CAMK1D: variants seen among roughly 807,000 people sequenced by gnomAD.
The protein encoded by CAMK1D is calcium/calmodulin dependent protein kinase ID.
In CAMK1D, 9 loss-of-function variants were observed where a neutral mutation model predicts 47.7. That is an observed-to-expected ratio of 0.19 (90% CI 0.11 to 0.33). CAMK1D has a LOEUF of 0.33. Ranked by LOEUF, CAMK1D falls within the 10% of genes least tolerant of loss-of-function variation. CAMK1D has a pLI of 1.00. For synonymous variants in CAMK1D, 184 were observed against 184.9 expected, an observed-to-expected ratio of 0.99 and a Z score of 0.04; for missense variants, 291 against 488.7, an observed-to-expected ratio of 0.60 and a Z score of 3.81.
chr10:12,710,509 T>C (rs1284702784), intron 3 of CAMK1D, among the ~76,000 whole-genome samples: 1 of 152,210 alleles, frequency 6.6e-6, no homozygotes, highest in Non-Finnish European at 1.5e-5. Flanking sequence ...GATACAGTCT[T>C]TTGTACGTCA....
At chr10:12,749,558 GT>G (rs1340222495) in intron 3 of CAMK1D, among the ~76,000 whole-genome samples, 1 of 136,188 alleles carries the variant, frequency 7.3e-6, no homozygotes, top group East Asian at 2.0e-4. Flanking sequence ...TTTTTTGTTT[GT>G]TTGTTTGTTT....
chr10:12,607,612 G>T (rs1366868361), intron 2 of CAMK1D, among the ~76,000 whole-genome samples: 4 of 152,190 alleles, frequency 2.6e-5, no homozygotes, highest in Admixed American at 1.3e-4. Flanking sequence ...TTTGAAGATG[G>T]TTCAAATGTA....
At chr10:12,368,702 C>G (rs1485149281) in intron 1 of CAMK1D, among the ~76,000 whole-genome samples, 1 of 151,270 alleles carries the variant, frequency 6.6e-6, no homozygotes. Flanking sequence ...CCAAATCATT[C>G]CACTGCACTC....
intron 1 of CAMK1D, among the ~76,000 whole-genome samples, chr10:12,515,116 G>C (rs1040346423): frequency 2.0e-5 from 3 of 151,858 alleles, no homozygotes; most frequent in African/African-American, 4.8e-5. Context: ...ACCCCCCTTG[G>C]CCTCCCAAAG....
intron 2 of CAMK1D, among the ~76,000 whole-genome samples, chr10:12,664,782 A>T (rs1840377586): frequency 1.3e-5 from 2 of 152,200 alleles, no homozygotes; most frequent in East Asian, 3.8e-4. Context: ...TACAGTTCAG[A>T]TGTAACTGTG....
At chr10:12,756,899 G>A (rs577538837) in intron 3 of CAMK1D, among the ~76,000 whole-genome samples, 258 of 152,320 alleles carry the variant, frequency 1.7e-3, no homozygotes, top group African/African-American at 5.5e-3. Context: ...CTCCAGCCTG[G>A]GCGACAGAGT....
rs900638497 is a variant in CAMK1D at position 12,828,952 on chromosome 10, G to A, written c.*65G>A. On this transcript the variant is annotated 3_prime_UTR_variant, in exon 11 of 11. Coordinates refer to ENST00000619168, the MANE Select transcript of CAMK1D (RefSeq NM_153498.4). ...GGGGAGCCCCAGGGTCGCCAGAGCC[G>A]CGAGCCACTCCAGCGAGACCCCACC... 3.9e-5 allele frequency: 47 copies of A among 1,216,366 alleles called. No individual in the cohort carries two copies. Among genetic ancestry groups the A allele is most frequent in the African/African-American group, 1.7e-4 (11 of 64,970 alleles). The allele number at this position is 1,216,366 out of a possible 1,614,324, so 75.3% of individuals were successfully genotyped here.
intron 2 of CAMK1D, among the ~76,000 whole-genome samples, chr10:12,663,454 G>A (rs892502482): frequency 4.6e-5 from 7 of 152,110 alleles, no homozygotes; most frequent in Non-Finnish European, 7.4e-5. Context: ...ATCTGTGCAG[G>A]ATATATGGGA....
Position 12,734,443 on chromosome 10 carries a change from CATATGTGTATATAT to C in CAMK1D, c.300-26503_300-26490del, listed in dbSNP as rs1835072399. ...ACATGTATATATATATACACACACA[CATATGTGTATATAT>C]ACACATACACATATGTGTATATATA... On this transcript the variant is annotated intron_variant, in intron 3 of 10. Coordinates refer to ENST00000619168, the MANE Select transcript of CAMK1D (RefSeq NM_153498.4). Among the ~76,000 whole-genome samples the C allele has an allele frequency of 1.1e-3, 6 of 5,272 alleles. No homozygotes were observed. The South Asian group carries it at 0.047, about 41-fold the overall frequency. The allele number at this position is 5,272 out of a possible 152,430, so 3.5% of individuals were successfully genotyped here.
intron 1 of CAMK1D, among the ~76,000 whole-genome samples, chr10:12,375,703 T>A (rs1838157290): frequency 6.6e-6 from 1 of 152,222 alleles, no homozygotes; most frequent in African/African-American, 2.4e-5. Flanking sequence ...ATGCCATTAC[T>A]CTATTATTTC....
intron 2 of CAMK1D, among the ~76,000 whole-genome samples, chr10:12,553,992 G>A (rs917021791): frequency 1.3e-5 from 2 of 152,190 alleles, no homozygotes; most frequent in Non-Finnish European, 1.5e-5. Flanking sequence ...CAGACATGGC[G>A]CCTGGCACCC....
At chr10:12,419,664 A>ACACG in intron 1 of CAMK1D, among the ~76,000 whole-genome samples, 1 of 151,988 alleles carries the variant, frequency 6.6e-6, no homozygotes, top group Non-Finnish European at 1.5e-5. Context: ...ACACACACAC[A>ACACG]CACACGCAAA....
intron 3 of CAMK1D, among the ~76,000 whole-genome samples, chr10:12,677,373 C>T (rs1840845688): frequency 6.6e-6 from 1 of 152,052 alleles, no homozygotes; most frequent in Admixed American, 6.6e-5. Flanking sequence ...TTGTTCACAG[C>T]AGATACTAAT....
intron 1 of CAMK1D, among the ~76,000 whole-genome samples, chr10:12,544,840 A>G (rs1249657226): frequency 6.6e-6 from 1 of 151,748 alleles, no homozygotes; most frequent in East Asian, 1.9e-4. Context: ...TTAAGTGGAT[A>G]GTACTAGTGT....
chr10:12,413,422 A>G (rs535608152), intron 1 of CAMK1D, among the ~76,000 whole-genome samples: 1 of 144,550 alleles, frequency 6.9e-6, no homozygotes, highest in South Asian at 2.2e-4. Flanking sequence ...CAAATATCCA[A>G]ACTTTATCAG....
chr10:12,610,395 T>G (rs1276685260), intron 2 of CAMK1D, among the ~76,000 whole-genome samples: 2 of 152,202 alleles, frequency 1.3e-5, no homozygotes, highest in Non-Finnish European at 2.9e-5. Context: ...CTCCTTTCTC[T>G]GGGCACATTC....
intron 2 of CAMK1D, among the ~76,000 whole-genome samples, chr10:12,658,548 T>G (rs1016736861): frequency 4.6e-5 from 7 of 152,090 alleles, no homozygotes; most frequent in Admixed American, 1.3e-4. Flanking sequence ...GCCCAAATGT[T>G]GCCTTCCCCA....
chr10:12,651,659 C>T (rs1052439031), intron 2 of CAMK1D, among the ~76,000 whole-genome samples: 13 of 152,082 alleles, frequency 8.5e-5, no homozygotes, highest in African/African-American at 2.2e-4. Flanking sequence ...GCCTTGGCCT[C>T]GCAAAGTACT....
intron 2 of CAMK1D, among the ~76,000 whole-genome samples, chr10:12,598,106 A>G (rs1838197904): frequency 6.6e-6 from 1 of 152,250 alleles, no homozygotes; most frequent in South Asian, 2.1e-4. Flanking sequence ...GTTTGGTAAA[A>G]GATAATCACT....
Sources: allele counts gnomAD v4.1 joint callset (sites outside exome capture counted in the v4.1 genomes callset), GRCh38; gene constraint gnomAD v4.1.1; transcripts MANE v1.5; gene names NCBI Gene and HGNC (gene_info 2026-07-23, HGNC 2026-07-21).